The following DCC variants were observed in gnomAD, a reference collection of about 807,000 sequenced individuals.
The protein encoded by DCC is netrin receptor DCC.
DCC carries 58 observed loss-of-function variants against 172.5 expected under a neutral mutation model. The ratio of observed to expected loss-of-function variants is 0.34; its 90% confidence interval spans 0.27 to 0.42. DCC has a LOEUF of 0.42. Ranked by LOEUF, DCC falls within the 10% of genes least tolerant of loss-of-function variation. The pLI is 1.00. For missense variants in DCC, 1,740 were observed against 1,791.0 expected (o/e 0.97, Z 0.51); for synonymous variants, 709 against 644.5 (o/e 1.10, Z -1.52).
At chr18:52,435,861 C>T (rs1172838631) in intron 1 of DCC, among the ~76,000 whole-genome samples, 1 of 152,204 alleles carries the variant, frequency 6.6e-6, no homozygotes, top group Non-Finnish European at 1.5e-5. Flanking sequence ...GACGGAGCAC[C>T]TGCCCAGGGG....
intron 2 of DCC, among the ~76,000 whole-genome samples, chr18:52,900,024 A>G (rs1428173260): frequency 6.6e-6 from 1 of 152,226 alleles, no homozygotes; most frequent in African/African-American, 2.4e-5. Context: ...ATTAGTCTGG[A>G]CGATGGCTAG....
At chr18:52,376,554 T>C (rs948726151) in intron 1 of DCC, among the ~76,000 whole-genome samples, 3 of 152,148 alleles carry the variant, frequency 2.0e-5, no homozygotes, top group Non-Finnish European at 4.4e-5. Context: ...TGCAACCTTC[T>C]TGCAATAGAA....
intron 2 of DCC, among the ~76,000 whole-genome samples, chr18:52,894,622 G>A (rs1370519711): frequency 6.6e-6 from 1 of 151,938 alleles, no homozygotes; most frequent in Non-Finnish European, 1.5e-5. Flanking sequence ...TAATTGGCAA[G>A]CTGGAGACCC....
chr18:53,329,999 G>A (rs966662902), intron 14 of DCC, among the ~76,000 whole-genome samples: 1 of 152,150 alleles, frequency 6.6e-6, no homozygotes, highest in Non-Finnish European at 1.5e-5. Flanking sequence ...AGTACTTTTA[G>A]CAGAACAGAA....
chr18:53,171,471 T>C (rs1057453395), intron 8 of DCC, among the ~76,000 whole-genome samples: 18 of 152,208 alleles, frequency 1.2e-4, no homozygotes, highest in African/African-American at 4.3e-4. Context: ...TTATACTTTA[T>C]GTAAGACTGA....
intron 5 of DCC, among the ~76,000 whole-genome samples, chr18:53,054,825 A>G (rs2042381459): frequency 6.6e-6 from 1 of 152,168 alleles, no homozygotes; most frequent in East Asian, 1.9e-4. Context: ...TGTGCTCACG[A>G]GAAGTATACT....
At chr18:53,099,233 C>CCCCTA (rs1487651867) in intron 7 of DCC, among the ~76,000 whole-genome samples, 17 of 152,018 alleles carry the variant, frequency 1.1e-4, no homozygotes, top group Non-Finnish European at 2.4e-4. Flanking sequence ...CATTTTCTTC[C>CCCCTA]CCCTATGTAT....
intron 25 of DCC, among the ~76,000 whole-genome samples, chr18:53,468,384 A>AT (rs1171926408): frequency 7.6e-5 from 11 of 144,266 alleles, no homozygotes; most frequent in African/African-American, 2.8e-4. Context: ...TATTTATTTT[A>AT]TTTATTTATT....
In DCC at chr18:52,389,981, A is replaced by G. The variant is rs1040644326; in HGVS notation, c.91+49103A>G. ...GGAGAGTATTATACCAATTTTTCAT[A>G]TAGAGAGACTGAGACTTACATTACA... On this transcript the variant is annotated intron_variant, in intron 1 of 28. Transcript: ENST00000442544. Among the ~76,000 whole-genome samples, 4 of 152,070 alleles carry G rather than the reference A, an allele frequency of 2.6e-5. No homozygotes were observed. The East Asian group carries it at 7.8e-4, about 30-fold the overall frequency.
At chr18:53,163,335 C>T (rs1220452018) in intron 8 of DCC, among the ~76,000 whole-genome samples, 3 of 152,124 alleles carry the variant, frequency 2.0e-5, no homozygotes, top group African/African-American at 7.2e-5. Context: ...TCAATAAAAA[C>T]TTTAATTCCA....
chr18:52,647,337 C>T (rs1379994795), intron 1 of DCC, among the ~76,000 whole-genome samples: 4 of 152,170 alleles, frequency 2.6e-5, no homozygotes, highest in Admixed American at 6.5e-5. Context: ...GTTTTCCTTC[C>T]TCCTACCCAA....
intron 1 of DCC, among the ~76,000 whole-genome samples, chr18:52,377,006 T>C (rs147521170): frequency 7.9e-5 from 12 of 152,314 alleles, no homozygotes; most frequent in Non-Finnish European, 1.6e-4. Context: ...GTTGTTTCTA[T>C]ACAGGTATCA....
intron 1 of DCC, among the ~76,000 whole-genome samples, chr18:52,613,989 C>T (rs2034326609): frequency 6.6e-6 from 1 of 152,038 alleles, no homozygotes; most frequent in Non-Finnish European, 1.5e-5. Flanking sequence ...GGTGTTTGTG[C>T]CGGGATGTTA....
Position 53,397,404 on chromosome 18 carries a change from A to G in DCC, c.2785A>G (p.Ser929Gly). Residue 929 changes from serine to glycine, a missense_variant, in exon 18 of 29, where the codon AGT becomes GGT. Transcript: ENST00000442544. ...SVMVTKNRRSSTWSMTAHATT... is the reference protein window; with the variant it reads ...SVMVTKNRRSGTWSMTAHATT... ...CATGGTAACAAAAAACAGAAGGTCC[A>G]GTACTTGGAGCATGACTGCACATGC... 1 of 1,614,062 alleles carries G rather than the reference A, an allele frequency of 6.2e-7. No homozygotes were observed. Among genetic ancestry groups the G allele is most frequent in the Non-Finnish European group, 8.5e-7 (1 of 1,179,952 alleles).
chr18:52,362,423 G>A (rs1984658348), intron 1 of DCC, among the ~76,000 whole-genome samples: 1 of 152,194 alleles, frequency 6.6e-6, no homozygotes, highest in Non-Finnish European at 1.5e-5. Flanking sequence ...ACCAGCATTG[G>A]TTGGTGGCCC....
chr18:53,087,865 T>C (rs1004217501), intron 7 of DCC, among the ~76,000 whole-genome samples: 2 of 151,800 alleles, frequency 1.3e-5, no homozygotes, highest in Non-Finnish European at 2.9e-5. Context: ...AGGGAATCCT[T>C]TCCCCATTGC....
At chr18:53,520,379 G>A (rs1057203175) in intron 27 of DCC, among the ~76,000 whole-genome samples, 1 of 152,044 alleles carries the variant, frequency 6.6e-6, no homozygotes, top group African/African-American at 2.4e-5. Context: ...CCAGCAGACT[G>A]ATTATTTTAC....
At chr18:53,443,205 G>A (rs1299830129) in intron 22 of DCC, among the ~76,000 whole-genome samples, 3 of 152,174 alleles carry the variant, frequency 2.0e-5, no homozygotes, top group Admixed American at 6.6e-5. Context: ...TGGCTTCAAA[G>A]TTTCAAAGGA....
intron 5 of DCC, among the ~76,000 whole-genome samples, chr18:52,926,732 A>T (rs1170325375): frequency 6.6e-6 from 1 of 150,736 alleles, no homozygotes; most frequent in Non-Finnish European, 1.5e-5. Context: ...TTGATATCTG[A>T]GATAAACATA....
Sources: gnomAD v4.1 joint callset for allele counts (sites outside exome capture counted in the v4.1 genomes callset) on GRCh38, gnomAD v4.1.1 for gene constraint, MANE v1.5 for transcripts, NCBI Gene and HGNC (gene_info 2026-07-23, HGNC 2026-07-21) for gene names.